IQGAP2: variants seen among roughly 807,000 people sequenced by gnomAD.
IQGAP2 encodes IQ motif containing GTPase activating protein 2.
IQGAP2 carries 173 observed loss-of-function variants against 201.3 expected under a neutral mutation model. That is an observed-to-expected ratio of 0.86 (90% CI 0.76 to 0.98). IQGAP2 has a LOEUF of 0.98. Among genes scored for constraint, IQGAP2 ranks in the 50% least tolerant of loss-of-function variants. The pLI is 0.00. For synonymous variants in IQGAP2, 675 were observed against 673.9 expected, an observed-to-expected ratio of 1.00 and a Z score of -0.03; for missense variants, 1,687 against 1,864.8, an observed-to-expected ratio of 0.90 and a Z score of 1.76.
At chr5:76,444,368 A>T (rs1753243822) in intron 1 of IQGAP2, among the ~76,000 whole-genome samples, 1 of 152,164 alleles carries the variant, frequency 6.6e-6, no homozygotes. Context: ...GCACAATCTC[A>T]GCTCACCGCA....
intron 2 of IQGAP2, among the ~76,000 whole-genome samples, chr5:76,489,423 C>T (rs1756387227): frequency 6.6e-6 from 1 of 152,126 alleles, no homozygotes; most frequent in Non-Finnish European, 1.5e-5. Flanking sequence ...CCACCCCCAT[C>T]CCTGACCTCT....
chr5:76,578,547 C>T (rs924809702), intron 5 of IQGAP2, among the ~76,000 whole-genome samples: 1 of 152,152 alleles, frequency 6.6e-6, no homozygotes, highest in Non-Finnish European at 1.5e-5. Flanking sequence ...CTCTTGACCT[C>T]GTGATCTGCC....
chr5:76,419,223 A>G (rs899015569), intron 1 of IQGAP2, among the ~76,000 whole-genome samples: 3 of 152,136 alleles, frequency 2.0e-5, no homozygotes, highest in African/African-American at 7.2e-5. Context: ...CTTCAGCCTC[A>G]AACTCCTGGG....
At chr5:76,633,893 G>A (rs1252897099) in intron 15 of IQGAP2, among the ~76,000 whole-genome samples, 1 of 152,010 alleles carries the variant, frequency 6.6e-6, no homozygotes, top group Non-Finnish European at 1.5e-5. Context: ...TCCATTGTAT[G>A]AATATGCCAC....
chr5:76,610,207 A>C (rs1452568153), intron 12 of IQGAP2, among the ~76,000 whole-genome samples: 2 of 131,560 alleles, frequency 1.5e-5, no homozygotes, highest in Non-Finnish European at 3.1e-5. Context: ...ATCTTGGCTC[A>C]CTGCAACCTC....
intron 2 of IQGAP2, among the ~76,000 whole-genome samples, chr5:76,528,534 T>C (rs1437587993): frequency 1.3e-5 from 2 of 152,022 alleles, no homozygotes; most frequent in Non-Finnish European, 2.9e-5. Flanking sequence ...AGGAACCCAA[T>C]CTTCTCCTTT....
chr5:76,540,560 AGGGAAT>A (rs1742695669), intron 2 of IQGAP2, among the ~76,000 whole-genome samples: 1 of 152,226 alleles, frequency 6.6e-6, no homozygotes. Context: ...GAATGAGAAC[AGGGAAT>A]GACTTTGCAG....
At chr5:76,575,245 A>G (rs1171144387) in intron 4 of IQGAP2, among the ~76,000 whole-genome samples, 1 of 151,360 alleles carries the variant, frequency 6.6e-6, no homozygotes, top group Non-Finnish European at 1.5e-5. Flanking sequence ...TGTGTGTTGT[A>G]TATGCATGTA....
chr5:76,677,430 A>G lies in IQGAP2; in HGVS notation c.3660+80A>G, dbSNP rs556573826. 1.3e-4 allele frequency: 178 copies of G among 1,364,082 alleles called. No individual in the cohort carries two copies. The African/African-American group carries it at 2.3e-3, about 18-fold the overall frequency. The allele number at this position is 1,364,082 out of a possible 1,614,324, so 84.5% of individuals were successfully genotyped here. A position where few individuals can be genotyped will look rare whatever the true frequency, so the allele number is the denominator to read the frequency against. On this transcript the variant is annotated intron_variant, in intron 28 of 35. Coordinates refer to ENST00000274364, the MANE Select transcript of IQGAP2 (RefSeq NM_006633.5). ...TATCTTGAAAATGCTTAATCTCTACAGGACTTATTGTACACATGTGCTAAT... is the reference window on the plus strand; with the variant it reads ...TATCTTGAAAATGCTTAATCTCTACGGGACTTATTGTACACATGTGCTAAT...
chr5:76,706,827 T>C (rs1747945178), intron 35 of IQGAP2, among the ~76,000 whole-genome samples: 1 of 152,260 alleles, frequency 6.6e-6, no homozygotes, highest in Admixed American at 6.5e-5. Flanking sequence ...ACTTGGGAAT[T>C]TATTAAAATG....
rs1746336259 is a variant in IQGAP2 at position 76,692,334 on chromosome 5, T to G, written c.3906-1021T>G. ...GCCCAGCTAATTTTTGTATCCTTAG[T>G]AGGGATGGGGTTTCGCCATGTTGGC... On this transcript the variant is annotated intron_variant, in intron 30 of 35. Transcript: ENST00000274364. 2.0e-5 allele frequency among the ~76,000 whole-genome samples: 3 copies of G among 152,306 alleles called. No homozygotes were observed. The South Asian group carries it at 6.2e-4, about 32-fold the overall frequency.
At chr5:76,504,899 T>A (rs935691884) in intron 2 of IQGAP2, among the ~76,000 whole-genome samples, 2 of 152,168 alleles carry the variant, frequency 1.3e-5, no homozygotes, top group African/African-American at 4.8e-5. Flanking sequence ...CTAGCCTGAT[T>A]TCCAGCTGTC....
chr5:76,597,698 A>G, intron 10 of IQGAP2, 96 bp downstream of exon 10: 1 of 1,312,144 alleles, frequency 7.6e-7, no homozygotes, highest in East Asian at 2.3e-5. Flanking sequence ...GGGATCGGGG[A>G]TCTCTAATTT....
chr5:76,491,336 A>G (rs912683528), intron 2 of IQGAP2, among the ~76,000 whole-genome samples: 1 of 152,198 alleles, frequency 6.6e-6, no homozygotes, highest in African/African-American at 2.4e-5. Flanking sequence ...TACTTCCTTT[A>G]ATTAAATAAT....
At chr5:76,544,898 T>C (rs1743001285) in intron 2 of IQGAP2, among the ~76,000 whole-genome samples, 1 of 152,172 alleles carries the variant, frequency 6.6e-6, no homozygotes, top group Non-Finnish European at 1.5e-5. Context: ...TGTAGTTCTA[T>C]ACAGTATGTA....
At chr5:76,706,067 C>T (rs1040541815) in intron 35 of IQGAP2, among the ~76,000 whole-genome samples, 3 of 152,104 alleles carry the variant, frequency 2.0e-5, no homozygotes, top group Non-Finnish European at 2.9e-5. Context: ...TCAAGAAGTG[C>T]GGACCACCGC....
At chr5:76,508,847 C>A (rs1000501531) in intron 2 of IQGAP2, among the ~76,000 whole-genome samples, 1 of 151,952 alleles carries the variant, frequency 6.6e-6, no homozygotes, top group Non-Finnish European at 1.5e-5. Flanking sequence ...CAAAACCATG[C>A]GGTCCCTTTT....
intron 2 of IQGAP2, among the ~76,000 whole-genome samples, chr5:76,523,521 G>A (rs781423640): frequency 1.1e-4 from 17 of 152,168 alleles, no homozygotes; most frequent in Non-Finnish European, 2.2e-4. Context: ...GTTTTTGTCT[G>A]CAGATGTCAA....
intron 2 of IQGAP2, among the ~76,000 whole-genome samples, chr5:76,462,489 G>A (rs1220748118): frequency 6.6e-6 from 1 of 152,188 alleles, no homozygotes; most frequent in Non-Finnish European, 1.5e-5. Flanking sequence ...CTCATGAGAG[G>A]AATTGAGAGA....
Sources: gnomAD v4.1 joint callset for allele counts (sites outside exome capture counted in the v4.1 genomes callset) on GRCh38, gnomAD v4.1.1 for gene constraint, MANE v1.5 for transcripts, NCBI Gene and HGNC (gene_info 2026-07-23, HGNC 2026-07-21) for gene names.